The following RBX1 variants were observed in gnomAD, a reference collection of about 807,000 sequenced individuals.
RBX1 encodes ring-box 1.
For missense variants in RBX1, 46 were observed against 141.4 expected (o/e 0.33, Z 3.42); for synonymous variants, 48 against 47.9 (o/e 1.00, Z -0.01).
At chr22:40,958,054 G>A (rs2058330378) in intron 2 of RBX1, among the ~76,000 whole-genome samples, 1 of 152,036 alleles carries the variant, frequency 6.6e-6, no homozygotes, top group African/African-American at 2.4e-5. Context: ...TCGAGCTCCT[G>A]ACCTCATGAT....
At chr22:40,971,400 C>G (rs1378857836) in intron 4 of RBX1, among the ~76,000 whole-genome samples, 1 of 152,092 alleles carries the variant, frequency 6.6e-6, no homozygotes, top group Non-Finnish European at 1.5e-5. Context: ...AGCTGTGATC[C>G]AGAGTTCCAG....
intron 2 of RBX1, among the ~76,000 whole-genome samples, chr22:40,955,378 C>T (rs1195000635): frequency 4.0e-5 from 6 of 150,470 alleles, no homozygotes; most frequent in Admixed American, 6.6e-5. Context: ...CGATTATAGG[C>T]GTGAGCCACT....
rs1230540534 is a variant in RBX1, at chr22:40,951,565, G to C, written c.78+89G>C. The C allele has an allele frequency of 5.4e-6, 7 of 1,297,252 alleles. No homozygotes were observed. In the African/African-American group the frequency reaches 5.9e-5, roughly 11 times the overall value. The allele number at this position is 1,297,252 out of a possible 1,614,324, so 80.4% of individuals were successfully genotyped here. On this transcript the variant is annotated intron_variant, in intron 1 of 4. Transcript: ENST00000216225. The stretch of plus-strand genomic sequence containing the variant: ...GAGGATGGTCGAGGCGCGGAGTAAA[G>C]GGTTTCATTTCAGGGCGTTCCTGGG...
At chr22:40,968,022 C>T in intron 4 of RBX1, 138 bp downstream of exon 4, 2 of 430,702 alleles carry the variant, frequency 4.6e-6, no homozygotes, top group Non-Finnish European at 8.8e-6. Flanking sequence ...TAGGACTTAT[C>T]TATATGGAAA....
intron 3 of RBX1, among the ~76,000 whole-genome samples, chr22:40,964,655 A>G (rs2058349319): frequency 6.6e-6 from 1 of 152,214 alleles, no homozygotes; most frequent in South Asian, 2.1e-4. Context: ...AGGATAACAA[A>G]TATCAAATAT....
chr22:40,963,665 A>G (rs979294577), intron 2 of RBX1, among the ~76,000 whole-genome samples: 18 of 152,106 alleles, frequency 1.2e-4, no homozygotes, highest in African/African-American at 4.3e-4. Flanking sequence ...TCTAGGCAAC[A>G]TGGTGAAACT....
intron 2 of RBX1, among the ~76,000 whole-genome samples, chr22:40,954,333 C>A (rs1055663214): frequency 6.8e-6 from 1 of 146,066 alleles, no homozygotes; most frequent in African/African-American, 2.7e-5. Context: ...AGGAAAGAAG[C>A]GTTAAGGAGT....
intron 3 of RBX1, chr22:40,967,201 A>C (rs2058356639): frequency 1.3e-5 from 2 of 152,280 alleles, no homozygotes; most frequent in South Asian, 4.1e-4. Flanking sequence ...TGAAGTACTG[A>C]GCTCTTGTAA....
chr22:40,971,557 T>TCA (rs1569046568), intron 4 of RBX1, among the ~76,000 whole-genome samples: 1 of 152,078 alleles, frequency 6.6e-6, no homozygotes, highest in Non-Finnish European at 1.5e-5. Context: ...TTATTTTTAT[T>TCA]TATATATATA....
chr22:40,952,676 A>G (rs1000098908), intron 1 of RBX1, among the ~76,000 whole-genome samples: 3 of 149,650 alleles, frequency 2.0e-5, no homozygotes, highest in South Asian at 4.3e-4. Flanking sequence ...GTCTAAACAT[A>G]TAAAAGTTGA....
intron 2 of RBX1, among the ~76,000 whole-genome samples, chr22:40,960,923 C>T (rs774440307): frequency 2.0e-5 from 3 of 151,426 alleles, no homozygotes; most frequent in Non-Finnish European, 2.9e-5. Flanking sequence ...CCACCACACC[C>T]GGTTAATTGT....
rs61092253 is a variant in RBX1 at position 40,961,081 on chromosome 22, CTTTTT to C, written c.158-2947_158-2943del. On this transcript the variant is annotated intron_variant, in intron 2 of 4. Transcript: ENST00000216225. ...GCCCGGCCGAGCCACCGTGCCTGGC[CTTTTT>C]TTTTTTTTTTTTTTTTTTGATAACA... Among the ~76,000 whole-genome samples, 515 of 107,660 alleles carry C rather than the reference CTTTTT, an allele frequency of 4.8e-3. 3 individuals carry two copies. Among genetic ancestry groups the C allele is most frequent in the African/African-American group, 0.018 (477 of 27,112 alleles). The allele number at this position is 107,660 out of a possible 152,430, so 70.6% of individuals were successfully genotyped here.
intron 2 of RBX1, among the ~76,000 whole-genome samples, chr22:40,960,614 C>G (rs1311424164): frequency 6.6e-6 from 1 of 152,116 alleles, no homozygotes; most frequent in Non-Finnish European, 1.5e-5. Context: ...TCTTATTTAG[C>G]TAATTTTATA....
intron 1 of RBX1, among the ~76,000 whole-genome samples, chr22:40,953,172 G>A (rs1242504031): frequency 6.6e-6 from 1 of 151,852 alleles, no homozygotes; most frequent in Non-Finnish European, 1.5e-5. Context: ...TGTATTTTTA[G>A]TAAAGATAGG....
At chr22:40,970,822 A>G (rs1473660749) in intron 4 of RBX1, among the ~76,000 whole-genome samples, 1 of 152,214 alleles carries the variant, frequency 6.6e-6, no homozygotes, top group Non-Finnish European at 1.5e-5. Flanking sequence ...CTTTAAATTC[A>G]ATAATTTATT....
rs572149367 is a variant in RBX1, at chr22:40,967,786, T to C, written c.229-13T>C. 6.2e-7 allele frequency: 1 copy of C among 1,610,342 alleles called. No individual in the cohort carries two copies. Among genetic ancestry groups the C allele is most frequent in the East Asian group, 2.2e-5 (1 of 44,852 alleles). ...ATAGAGTTATTTTTAATAAAATATA[T>C]GTTTTCTTTCAGCATGCTTTTCACT... is the stretch of plus-strand genomic sequence containing the variant. On this transcript the variant is annotated splice_polypyrimidine_tract_variant and intron_variant, in intron 3 of 4. Coordinates refer to ENST00000216225, the MANE Select transcript of RBX1 (RefSeq NM_014248.4).
At position 40,965,365 on chromosome 22, in the gene RBX1, T is replaced by G. The variant is rs542910534; in HGVS notation, c.228+1248T>G. Among the ~76,000 whole-genome samples the G allele has an allele frequency of 3.9e-5, 6 of 151,902 alleles. No individual in the cohort carries two copies. In the East Asian group the frequency reaches 1.2e-3, roughly 29 times the overall value. On this transcript the variant is annotated intron_variant, in intron 3 of 4. Transcript: ENST00000216225. ...AGAGGTGTTACTGTGTAGATGGTGT[T>G]CTCAGTAGTTTTTCCTGTTGGGTTG...
chr22:40,953,590 G>T lies in RBX1; in HGVS notation c.114G>T (p.Val38=). ...TAGCCCTCTGGGCCTGGGATATTGTGGTTGATAACTGTGCCATCTGCAGGA... is the reference window on the plus strand; with the variant it reads ...TAGCCCTCTGGGCCTGGGATATTGTTGTTGATAACTGTGCCATCTGCAGGA... ...NAVALWAWDI[V]VDNCAICRNH... is the part of the protein sequence containing the mutation. The change falls in exon 2 of 5, where the codon GTG becomes GTT. Residue 38 remains valine (V), a synonymous_variant. Coordinates refer to ENST00000216225, the MANE Select transcript of RBX1 (RefSeq NM_014248.4). 2 of 1,611,270 alleles carry T rather than the reference G, an allele frequency of 1.2e-6. No homozygotes were observed. The highest frequency in any genetic ancestry group is 2.2e-5 in the South Asian group (2 of 90,984).
At chr22:40,960,290 T>C (rs1287880180) in intron 2 of RBX1, among the ~76,000 whole-genome samples, 1 of 152,112 alleles carries the variant, frequency 6.6e-6, no homozygotes, top group African/African-American at 2.4e-5. Context: ...TGTAAAGAGA[T>C]ACTCATAATT....
Sources: gnomAD v4.1 joint callset for allele counts (sites outside exome capture counted in the v4.1 genomes callset) on GRCh38, gnomAD v4.1.1 for gene constraint, MANE v1.5 for transcripts, NCBI Gene and HGNC (gene_info 2026-07-23, HGNC 2026-07-21) for gene names.